CTC1: variants seen among roughly 807,000 people sequenced by gnomAD.
CTC1 encodes the protein CST telomere replication complex component 1.
In CTC1, 91 loss-of-function variants were observed where a neutral mutation model predicts 136.3. The observed-to-expected ratio is 0.67, with a 90% CI of 0.56 to 0.79. The LOEUF (loss-of-function observed/expected upper bound fraction) is 0.79. Among genes scored for constraint, CTC1 ranks in the 30% least tolerant of loss-of-function variants. The pLI is 0.00. For missense variants in CTC1, 1,432 were observed against 1,498.1 expected, an observed-to-expected ratio of 0.96 and a Z score of 0.73; for synonymous variants, 606 against 613.8, an observed-to-expected ratio of 0.99 and a Z score of 0.19.
In CTC1 at chr17:8,237,952, T is replaced by C. The variant is rs1401622065; in HGVS notation, c.647+79A>G. Reference sequence around the variant, plus strand: ...CAGTCTATATTACTATCAATGCCCTTTTCTTTCTCTCCCTCCACTGACCCA... The same window carrying C: ...CAGTCTATATTACTATCAATGCCCTCTTCTTTCTCTCCCTCCACTGACCCA... On this transcript the variant is annotated intron_variant, in intron 4 of 22. Coordinates refer to ENST00000651323, the MANE Select transcript of CTC1 (RefSeq NM_025099.6). 2.6e-6 allele frequency: 3 copies of C among 1,172,648 alleles called. No individual in the cohort carries two copies. The East Asian group carries it at 7.1e-5, about 28-fold the overall frequency. The allele number at this position is 1,172,648 out of a possible 1,614,324, so 72.6% of individuals were successfully genotyped here. A position where few individuals can be genotyped will look rare whatever the true frequency, so the allele number is the denominator to read the frequency against.
chr17:8,232,731 A>G (rs1156909762), intron 11 of CTC1, 175 bp downstream of exon 11: 1 of 831,838 alleles, frequency 1.2e-6, no homozygotes, highest in African/African-American at 1.7e-5. Flanking sequence ...AATTCTGGCT[A>G]GGGGTCCTCT....
intron 10 of CTC1, 68 bp downstream of exon 10, chr17:8,234,387 G>A: frequency 7.1e-7 from 1 of 1,415,342 alleles, no homozygotes; most frequent in African/African-American, 1.4e-5. Flanking sequence ...TAGTAACCGA[G>A]ACTAGAGTCG....
At position 8,231,962 on chromosome 17, in the gene CTC1, T is replaced by C. The variant is rs769400080; in HGVS notation, c.2326A>G (p.Lys776Glu). 16 of 1,612,476 alleles carry C rather than the reference T, an allele frequency of 9.9e-6. No homozygotes were observed. The highest frequency in any genetic ancestry group is 1.4e-5 in the Non-Finnish European group (16 of 1,179,304). ...GGCAGCCCCCATCCAGTACCCTCCT[T>C]CCTCTGGGTGCCCCCAAGCCAGCTC... is the stretch of plus-strand genomic sequence containing the variant. The part of the protein sequence containing the change: ...LGSWLGGTQR[K>E]EGTGWGLPEP... The change falls in exon 13 of 23, where the codon AAG (lysine) becomes GAG (glutamate). Residue 776 changes from lysine to glutamate, a missense_variant. Transcript: ENST00000651323.
rs777670345 is a variant in CTC1, at chr17:8,236,279, G to A, written c.856C>T (p.Leu286=). ...RPGTAYVLTE[L]RVSKIRGQRQ... is the part of the protein sequence containing the mutation. ...TGACCACGGATCTTGGACACTCGCA[G>A]TTCTGTCAGCACATAGGCTGTACCA... is the stretch of plus-strand genomic sequence containing the variant. The change falls in exon 6 of 23, where the codon CTG becomes TTG. Residue 286 remains leucine (L), a synonymous_variant. Coordinates refer to ENST00000651323, the MANE Select transcript of CTC1 (RefSeq NM_025099.6). The A allele has an allele frequency of 2.5e-6, 4 of 1,613,704 alleles. No homozygotes were observed. In the East Asian group the frequency reaches 8.9e-5, roughly 36 times the overall value.
Position 8,229,129 on chromosome 17 carries a change from C to T in CTC1, c.3221+13G>A, listed in dbSNP as rs115684610. 2 of 1,612,922 alleles carry T rather than the reference C, an allele frequency of 1.2e-6. No individual in the cohort carries two copies. Among genetic ancestry groups the T allele is most frequent in the East Asian group, 4.5e-5 (2 of 44,896 alleles). On this transcript the variant is annotated intron_variant, in intron 20 of 22. Coordinates refer to ENST00000651323, the MANE Select transcript of CTC1 (RefSeq NM_025099.6). ...AGTAAATGGCACAATGGGTGCACGC[C>T]TTGTGCTCTCACCTGATGATGGCCT...
chr17:8,232,501 G>T, intron 11 of CTC1, 26 bp from the exon 12 acceptor site: 1 of 1,592,820 alleles, frequency 6.3e-7, no homozygotes, highest in South Asian at 1.1e-5. Context: ...TTTCTGTTTT[G>T]ACAAGAAAGG....
At position 8,232,696 on chromosome 17, in the gene CTC1, C is replaced by T. The variant is rs1222415431; in HGVS notation, c.1945+210G>A. 1.3e-5 allele frequency: 9 copies of T among 712,398 alleles called. No homozygotes were observed. In the Admixed American group the frequency reaches 2.3e-4, roughly 18 times the overall value. The allele number at this position is 712,398 out of a possible 1,614,324, so 44.1% of individuals were successfully genotyped here. A position where few individuals can be genotyped will look rare whatever the true frequency, so the allele number is the denominator to read the frequency against. ...GTAATCCTGGAGTGCATGTTAGGAG[C>T]TACGGTGGAGAAATGCATGCTGGAA... is the stretch of plus-strand genomic sequence containing the variant. On this transcript the variant is annotated intron_variant, in intron 11 of 22. Coordinates refer to ENST00000651323, the MANE Select transcript of CTC1 (RefSeq NM_025099.6).
chr17:8,228,292 C>T lies in CTC1; in HGVS notation c.3542G>A (p.Cys1181Tyr). 6.2e-7 allele frequency: 1 copy of T among 1,614,154 alleles called. No individual in the cohort carries two copies. ...LEPPRLQRFQ[C>Y]GELPFLTHVN... ...GTGAGTCAGGAAAGGGAGCTCTCCA[C>T]ACTGGAATCGCTGTAGCCGAGGAGG... The change falls in exon 23 of 23, where the codon TGT (cysteine) becomes TAT (tyrosine). Residue 1181 changes from cysteine to tyrosine, a missense_variant. By Grantham distance (194) the Cys-to-Tyr change is radical. Transcript: ENST00000651323.
intron 1 of CTC1, among the ~76,000 whole-genome samples, chr17:8,245,832 T>C (rs183228115): frequency 0.023 from 3,270 of 139,562 alleles, 58 homozygotes; most frequent in Non-Finnish European, 0.037. Flanking sequence ...CTCGGGAGGC[T>C]GAGGTGGGAG....
At position 8,227,667 on chromosome 17, in the gene CTC1, T is replaced by G. The variant is rs1567595453; in HGVS notation, c.*513A>C. 6.5e-6 allele frequency: 1 copy of G among 154,576 alleles called. No individual in the cohort carries two copies. The highest frequency in any genetic ancestry group is 2.4e-5 in the African/African-American group (1 of 41,460). 9.6% of individuals were successfully genotyped at this position (154,576 alleles called of 1,614,324 possible). A position where few individuals can be genotyped will look rare whatever the true frequency, so the allele number is the denominator to read the frequency against. ...AGACTGATTTTGGTACCATTTCTTC[T>G]GCTGGACGAAAAGCTCTTCTCTTCC... is the stretch of plus-strand genomic sequence containing the variant. On this transcript the variant is annotated 3_prime_UTR_variant, in exon 23 of 23. Coordinates refer to ENST00000651323, the MANE Select transcript of CTC1 (RefSeq NM_025099.6).
intron 20 of CTC1, 92 bp downstream of exon 20, chr17:8,229,050 T>A: frequency 1.3e-6 from 2 of 1,495,786 alleles, no homozygotes; most frequent in Non-Finnish European, 1.8e-6. Context: ...GCAATTCTCA[T>A]GAGCCAGGAA....
Position 8,228,284 on chromosome 17 carries a change from G to A in CTC1, c.3550C>T (p.Leu1184Phe). Residue 1184 changes from leucine to phenylalanine, a missense_variant, in exon 23 of 23, where the codon CTC becomes TTC. Coordinates refer to ENST00000651323, the MANE Select transcript of CTC1 (RefSeq NM_025099.6). The part of the protein sequence containing the change: ...PRLQRFQCGE[L>F]PFLTHVNPRL... ...GGGTTCACGTGAGTCAGGAAAGGGA[G>A]CTCTCCACACTGGAATCGCTGTAGC... 8 of 1,614,168 alleles carry A rather than the reference G, an allele frequency of 5.0e-6. No individual in the cohort carries two copies. The highest frequency in any genetic ancestry group is 6.8e-6 in the Non-Finnish European group (8 of 1,180,022).
In CTC1 at chr17:8,231,665, C is replaced by T. The variant is rs1294422269; in HGVS notation, c.2475+61G>A. On this transcript the variant is annotated intron_variant, in intron 14 of 22. Coordinates refer to ENST00000651323, the MANE Select transcript of CTC1 (RefSeq NM_025099.6). ...GAATGACCAGGCACTGGCATGCCCT[C>T]TTTAGACCCCAACCCCAAAAAAGCT... The T allele has an allele frequency of 2.0e-6, 3 of 1,512,178 alleles. No homozygotes were observed. In the African/African-American group the frequency reaches 4.1e-5, roughly 21 times the overall value. The allele number at this position is 1,512,178 out of a possible 1,614,324, so 93.7% of individuals were successfully genotyped here.
chr17:8,229,834 T>C, intron 18 of CTC1, 57 bp downstream of exon 18: 4 of 1,378,820 alleles, frequency 2.9e-6, no homozygotes, highest in Non-Finnish European at 4.1e-6. Context: ...ACCAGGGACA[T>C]GTGGGAGATG....
chr17:8,230,957 C>T (rs7503199), intron 15 of CTC1: 117,825 of 470,828 alleles, frequency 0.25, 15,926 homozygotes, highest in East Asian at 0.36. Context: ...GCCAACATGA[C>T]GAAACCCTGT....
intron 7 of CTC1, among the ~76,000 whole-genome samples, 187 bp downstream of exon 7, chr17:8,235,644 A>T (rs1987649872): frequency 6.6e-6 from 1 of 152,072 alleles, no homozygotes; most frequent in Admixed American, 6.6e-5. Context: ...ACTCCTCCTC[A>T]CAGTGCCCAA....
Position 8,238,097 on chromosome 17 carries a change from C to A in CTC1, c.581G>T (p.Ser194Ile). 1 of 1,614,144 alleles carries A rather than the reference C, an allele frequency of 6.2e-7. No individual in the cohort carries two copies. Residue 194 changes from serine (S) to isoleucine (I), a missense_variant, in exon 4 of 23, where the codon AGT becomes ATT. Physicochemically the swap from Ser to Ile is moderately radical, Grantham distance 142 (BLOSUM62 -2). Transcript: ENST00000651323. The stretch of plus-strand genomic sequence containing the variant: ...AGGGATAGGCGTGACGGGGCCAGGA[C>A]TGATGGTCAAAGGAAACACTGGCAC... Reference protein sequence around the residue: ...APVPVFPLTISPGPVTPIPVL... With the variant: ...APVPVFPLTIIPGPVTPIPVL...
rs1355843965 is a variant in CTC1, at chr17:8,229,337, A to G, written c.3121T>C (p.Trp1041Arg). The G allele has an allele frequency of 6.2e-7, 1 of 1,614,216 alleles. No homozygotes were observed. The highest frequency in any genetic ancestry group is 8.5e-7 in the Non-Finnish European group (1 of 1,180,042). ...ATGCTGGTACAATAAGCACACACCC[A>G]GAAGAGCTGAAGGCTGAAGACAGAG... ...IVSVFSLQLF[W>R]VCAYCTSICR... Residue 1041 changes from tryptophan (W) to arginine (R), a missense_variant, in exon 19 of 23, where the codon TGG (tryptophan) becomes CGG (arginine). Transcript: ENST00000651323.
In CTC1 at chr17:8,226,373, C is replaced by G. The variant is rs3027251; in HGVS notation, c.*1807G>C. The G allele has an allele frequency of 1.3e-5, 2 of 152,094 alleles. No homozygotes were observed. Among genetic ancestry groups the G allele is most frequent in the East Asian group, 1.9e-4 (1 of 5,202 alleles). The allele number at this position is 152,094 out of a possible 1,614,324, so 9.4% of individuals were successfully genotyped here. ...TATAGAGCTAGGAACCCGGACCGAG[C>G]TTTTTCAGATCTTTCTAGAACTAAT... is the stretch of plus-strand genomic sequence containing the variant. On this transcript the variant is annotated 3_prime_UTR_variant, in exon 23 of 23. Coordinates refer to ENST00000651323, the MANE Select transcript of CTC1 (RefSeq NM_025099.6).
Sources: allele counts gnomAD v4.1 joint callset (sites outside exome capture counted in the v4.1 genomes callset), GRCh38; gene constraint gnomAD v4.1.1; transcripts MANE v1.5; gene names NCBI Gene and HGNC (gene_info 2026-07-23, HGNC 2026-07-21).